The following CNIH3 variants were observed in gnomAD, a reference collection of about 807,000 sequenced individuals.
CNIH3 encodes protein cornichon homolog 3.
Under a neutral mutation model 24.1 loss-of-function variants are expected in CNIH3, and 14 were observed. The ratio of observed to expected loss-of-function variants is 0.58; its 90% CI spans 0.38 to 0.91. The LOEUF is 0.91. CNIH3 is among the 40% of genes least tolerant of loss of function. The pLI, the probability that CNIH3 is intolerant of heterozygous loss-of-function variation, is 0.00. For synonymous variants in CNIH3, 68 were observed against 73.8 expected (o/e 0.92, Z 0.40); for missense variants, 178 against 196.8 (o/e 0.90, Z 0.57).
chr1:224,527,666 C>T lies in CNIH3; in HGVS notation n.343+6339C>T, dbSNP rs983427972. Among the ~76,000 whole-genome samples the T allele has an allele frequency of 2.6e-5, 4 of 152,000 alleles. No individual in the cohort carries two copies. The South Asian group carries it at 8.3e-4, about 31-fold the overall frequency. On this transcript the variant is annotated intron_variant and non_coding_transcript_variant, in intron 2 of 2. Coordinates refer to the CNIH3 transcript ENST00000470602. Reference sequence around the variant, plus strand: ...GACTTTTAAAGTCATGGAAAATTGGCTTGGATACAATGTTAGGCAATAAAA... The same window carrying T: ...GACTTTTAAAGTCATGGAAAATTGGTTTGGATACAATGTTAGGCAATAAAA...
intron 3 of CNIH3, among the ~76,000 whole-genome samples, chr1:224,594,178 C>T (rs1232187717): frequency 6.6e-6 from 1 of 152,092 alleles, no homozygotes; most frequent in Non-Finnish European, 1.5e-5. Flanking sequence ...TAAAACAAAA[C>T]AGAAAAGTGC....
chr1:224,514,194 G>C (rs139961503), upstream of CNIH3, among the ~76,000 whole-genome samples: 11 of 152,310 alleles, frequency 7.2e-5, no homozygotes, highest in East Asian at 2.1e-3. Context: ...CAGAGACCAA[G>C]AGGTATAAAA....
upstream of CNIH3, among the ~76,000 whole-genome samples, chr1:224,515,348 A>T (rs1678337037): frequency 6.6e-6 from 1 of 152,264 alleles, no homozygotes; most frequent in Non-Finnish European, 1.5e-5. Flanking sequence ...AACTCAAAAA[A>T]TGGTAAAGAA....
intron 5 of CNIH3, among the ~76,000 whole-genome samples, chr1:224,736,482 G>A (rs1689598247): frequency 6.6e-6 from 1 of 152,208 alleles, no homozygotes; most frequent in Non-Finnish European, 1.5e-5. Context: ...TCAAAGTGTG[G>A]GGTAAGGAAG....
In CNIH3 at chr1:224,472,482, C is replaced by T. The variant is rs984672198; in HGVS notation, n.203+37620C>T. ...TAAAAAGGAGAGAAATAATGACATT[C>T]GCAGCAACCTGGATGGAATTGGAAA... On this transcript the variant is annotated intron_variant and non_coding_transcript_variant, in intron 1 of 5. Coordinates refer to the CNIH3 transcript ENST00000471578. Among the ~76,000 whole-genome samples, 24 of 152,206 alleles carry T rather than the reference C, an allele frequency of 1.6e-4. 1 individual carries two copies. Among genetic ancestry groups the T allele is most frequent in the East Asian group, 1.2e-3 (6 of 5,178 alleles).
chr1:224,460,210 A>G (rs1177483685), intron 1 of CNIH3, among the ~76,000 whole-genome samples: 1 of 152,082 alleles, frequency 6.6e-6, no homozygotes, highest in Non-Finnish European at 1.5e-5. Flanking sequence ...TTAAGCTTGG[A>G]GTCATCTTTT....
chr1:224,611,892 T>C (rs1038030065), upstream of CNIH3, among the ~76,000 whole-genome samples: 1 of 152,210 alleles, frequency 6.6e-6, no homozygotes, highest in African/African-American at 2.4e-5. Context: ...CCCAGAACTA[T>C]GGACACTAAA....
chr1:224,551,483 G>A (rs1234807118), intron 3 of CNIH3, among the ~76,000 whole-genome samples: 1 of 152,148 alleles, frequency 6.6e-6, no homozygotes, highest in African/African-American at 2.4e-5. Flanking sequence ...AACATTGTAT[G>A]TAATCACCGA....
chr1:224,631,857 A>G (rs1683835961), intron 1 of CNIH3, among the ~76,000 whole-genome samples: 1 of 151,946 alleles, frequency 6.6e-6, no homozygotes, highest in Non-Finnish European at 1.5e-5. Flanking sequence ...TGATTCATGA[A>G]CTCTAAAAAA....
Position 224,616,652 on chromosome 1 carries a change from G to C in CNIH3, c.-523G>C, listed in dbSNP as rs376349868. On this transcript the variant is annotated 5_prime_UTR_variant, in exon 1 of 6. Transcript: ENST00000272133. ...AGCGCTGCCCGGCTCTGGGATTTGG[G>C]AGGAGCTCGGAGGCCGCTCGGGCAC... 1.7e-5 allele frequency: 17 copies of C among 987,994 alleles called. No homozygotes were observed. In the South Asian group the frequency reaches 4.2e-4, roughly 24 times the overall value. 61.2% of individuals were successfully genotyped at this position (987,994 alleles called of 1,614,324 possible).
intron 3 of CNIH3, among the ~76,000 whole-genome samples, chr1:224,555,682 A>G (rs2648739): frequency 0.04 from 6,145 of 152,336 alleles, 396 homozygotes; most frequent in African/African-American, 0.13. Flanking sequence ...TTTAACAAAC[A>G]AGGTTGGCAT....
chr1:224,547,023 C>T (rs1477652194), intron 3 of CNIH3: 2 of 379,978 alleles, frequency 5.3e-6, no homozygotes, highest in Non-Finnish European at 7.2e-6. Context: ...GAGTGAGTAC[C>T]TAATGGGCCC....
intron 4 of CNIH3, chr1:224,583,031 G>A (rs1289704372): frequency 6.6e-6 from 1 of 152,204 alleles, no homozygotes; most frequent in Non-Finnish European, 1.5e-5. Flanking sequence ...GACTCCATAA[G>A]TGGATTATGG....
At chr1:224,485,102 TTGGGATG>T (rs1486887100) in intron 1 of CNIH3, among the ~76,000 whole-genome samples, 1 of 152,202 alleles carries the variant, frequency 6.6e-6, no homozygotes, top group Non-Finnish European at 1.5e-5. Context: ...GAGCTTTATT[TTGGGATG>T]TAGTTGAGTT....
intron 1 of CNIH3, among the ~76,000 whole-genome samples, chr1:224,634,424 C>T (rs759501132): frequency 2.6e-5 from 4 of 152,046 alleles, no homozygotes; most frequent in African/African-American, 4.8e-5. Context: ...CAAAAATTAG[C>T]TGGGCATGGT....
In CNIH3 at chr1:224,702,364, A is replaced by G. The variant is rs77593594; in HGVS notation, c.198+17521A>G. Among the ~76,000 whole-genome samples, 150 of 152,328 alleles carry G rather than the reference A, an allele frequency of 9.8e-4. 1 individual carries two copies. The highest frequency in any genetic ancestry group is 7.1e-3 in the Admixed American group (109 of 15,298). The stretch of plus-strand genomic sequence containing the variant: ...TGTGGGCTTATATCCCAGGAGTGGG[A>G]TCGTCAGGCAAGAGGGTATATAAAT... On this transcript the variant is annotated intron_variant, in intron 3 of 5. Coordinates refer to ENST00000272133, the MANE Select transcript of CNIH3 (RefSeq NM_152495.2).
At chr1:224,480,474 T>A (rs1326906253) in intron 1 of CNIH3, among the ~76,000 whole-genome samples, 3 of 152,214 alleles carry the variant, frequency 2.0e-5, no homozygotes, top group African/African-American at 7.2e-5. Flanking sequence ...GGGTTTTTCT[T>A]TTCTATCACA....
chr1:224,684,682 G>T lies in CNIH3; in HGVS notation c.151-114G>T. On this transcript the variant is annotated intron_variant, in intron 2 of 5. Transcript: ENST00000272133. The surrounding 1 kb of genome is among the most constrained non-coding windows in gnomAD (Gnocchi z 4.2). ...GAGCATGCTGGCCATGTGCCCAGGA[G>T]GGGTCTCTGGTGGCTTCTGCCTCCA... 1 of 881,542 alleles carries T rather than the reference G, an allele frequency of 1.1e-6. No homozygotes were observed. The allele number at this position is 881,542 out of a possible 1,614,324, so 54.6% of individuals were successfully genotyped here. A position where few individuals can be genotyped will look rare whatever the true frequency, so the allele number is the denominator to read the frequency against.
chr1:224,698,920 C>T (rs2125170026), intron 3 of CNIH3, among the ~76,000 whole-genome samples: 1 of 152,286 alleles, frequency 6.6e-6, no homozygotes, highest in Non-Finnish European at 1.5e-5. Context: ...ACATGTGCTA[C>T]ATGCTTTACA....
Sources: allele counts gnomAD v4.1 joint callset (sites outside exome capture counted in the v4.1 genomes callset), GRCh38; gene constraint gnomAD v4.1.1; non-coding constraint Gnocchi (gnomAD v3.1); transcripts MANE v1.5; gene names NCBI Gene and HGNC (gene_info 2026-07-23, HGNC 2026-07-21).